PIGN: variants seen among roughly 807,000 people sequenced by gnomAD.
PIGN encodes GPI ethanolamine phosphate transferase 1.
PIGN carries 117 observed loss-of-function variants against 125.4 expected under a neutral mutation model. That is an observed-to-expected ratio of 0.93 (90% CI 0.80 to 1.09). The LOEUF is 1.09. Ranked by LOEUF, PIGN falls within the 50% of genes least tolerant of loss-of-function variation. The probability of loss-of-function intolerance (pLI) is 0.00; values close to 1 mark genes in which losing one functional copy is unlikely to be tolerated. For missense variants in PIGN, 1,075 were observed against 1,094.9 expected, an observed-to-expected ratio of 0.98 and a Z score of 0.26; for synonymous variants, 392 against 377.8, an observed-to-expected ratio of 1.04 and a Z score of -0.44.
At chr18:62,123,763 C>T (rs2035398121) in intron 14 of PIGN, among the ~76,000 whole-genome samples, 1 of 151,968 alleles carries the variant, frequency 6.6e-6, no homozygotes, top group African/African-American at 2.4e-5. Flanking sequence ...AAAATATTAA[C>T]TGAATGTTTG....
At chr18:62,160,632 C>T (rs2036916258) in intron 4 of PIGN, among the ~76,000 whole-genome samples, 1 of 151,950 alleles carries the variant, frequency 6.6e-6, no homozygotes, top group African/African-American at 2.4e-5. Flanking sequence ...CTCAGCCTCC[C>T]AGGTAGCTAG....
chr18:62,175,922 T>TA (rs905511152), intron 1 of PIGN, among the ~76,000 whole-genome samples: 2 of 151,574 alleles, frequency 1.3e-5, no homozygotes, highest in African/African-American at 2.4e-5. Context: ...TGAAAGCTTC[T>TA]AAAATTCCCC....
intron 23 of PIGN, among the ~76,000 whole-genome samples, chr18:62,031,919 C>T (rs1180120801): frequency 6.6e-6 from 1 of 152,082 alleles, no homozygotes; most frequent in African/African-American, 2.4e-5. Flanking sequence ...TATCCAGGTA[C>T]CAGTAGAGTG....
At chr18:62,132,734 A>G (rs2035786103) in intron 14 of PIGN, among the ~76,000 whole-genome samples, 1 of 152,214 alleles carries the variant, frequency 6.6e-6, no homozygotes, top group Non-Finnish European at 1.5e-5. Context: ...TATCTTTTCC[A>G]TATGACTGTT....
intron 7 of PIGN, among the ~76,000 whole-genome samples, chr18:62,148,543 T>G (rs2036419008): frequency 6.6e-6 from 1 of 152,116 alleles, no homozygotes; most frequent in Non-Finnish European, 1.5e-5. Flanking sequence ...GTTTTCTCTG[T>G]TATAATAAGG....
chr18:62,134,132 T>C (rs891545157), intron 14 of PIGN, among the ~76,000 whole-genome samples: 1 of 151,866 alleles, frequency 6.6e-6, no homozygotes, highest in Non-Finnish European at 1.5e-5. Context: ...TGGTGGCTCA[T>C]GCCTGTAATC....
In PIGN at chr18:62,082,859, T is replaced by C. The variant is rs1057486257; in HGVS notation, c.2503-113A>G. The C allele has an allele frequency of 1.4e-5, 9 of 637,496 alleles. No homozygotes were observed. In the South Asian group the frequency reaches 1.8e-4, roughly 13 times the overall value. 39.5% of individuals were successfully genotyped at this position (637,496 alleles called of 1,614,324 possible). A position where few individuals can be genotyped will look rare whatever the true frequency, so the allele number is the denominator to read the frequency against. On this transcript the variant is annotated intron_variant, in intron 27 of 30. Coordinates refer to ENST00000640252, the MANE Select transcript of PIGN (RefSeq NM_176787.5). The stretch of plus-strand genomic sequence containing the variant: ...TTTTCAATTTCTCAAGTAACTTTTA[T>C]ATATACTAGTGAAGAGCAAACACTG...
rs910334410 is a variant in PIGN, at chr18:62,042,881, T to C, written c.*2975A>G. 6.6e-6 allele frequency: 1 copy of C among 150,878 alleles called. No homozygotes were observed. The highest frequency in any genetic ancestry group is 1.5e-5 in the Non-Finnish European group (1 of 67,894). The allele number at this position is 150,878 out of a possible 1,614,324, so 9.3% of individuals were successfully genotyped here. ...GTGAGCTGAGATGGTGCCACTGCAT[T>C]CTAGCCTGAACAAGAGTGAGACCCT... On this transcript the variant is annotated 3_prime_UTR_variant, in exon 31 of 31. Coordinates refer to ENST00000640252, the MANE Select transcript of PIGN (RefSeq NM_176787.5).
At chr18:62,083,855 T>C (rs1378501384) in intron 27 of PIGN, among the ~76,000 whole-genome samples, 1 of 152,212 alleles carries the variant, frequency 6.6e-6, no homozygotes, top group Non-Finnish European at 1.5e-5. Context: ...CCTATTAAGA[T>C]GACACCTTTA....
intron 7 of PIGN, among the ~76,000 whole-genome samples, chr18:62,151,175 A>C (rs2036523437): frequency 6.6e-6 from 1 of 152,192 alleles, no homozygotes; most frequent in African/African-American, 2.4e-5. Flanking sequence ...TAGGTCAAAA[A>C]TGCATGTAAT....
In PIGN at chr18:62,106,870, A is replaced by C; in HGVS notation, c.1686T>G (p.Phe562Leu). ...CAGCGGTAAGCATATAGCGGTAGAA[A>C]AAACTGAGAACCTAGTAATGCATTC... ...TLGIEVLVLS[F>L]FYRYMLTAGL... The change falls in exon 19 of 31, where the codon TTT becomes TTG. Residue 562 changes from phenylalanine to leucine, a missense_variant. By Grantham distance (22) the Phe-to-Leu change is conservative. Transcript: ENST00000640252. The C allele has an allele frequency of 6.2e-7, 1 of 1,607,340 alleles. No homozygotes were observed. The highest frequency in any genetic ancestry group is 8.5e-7 in the Non-Finnish European group (1 of 1,176,704).
chr18:62,157,928 TA>T (rs2036800342), intron 4 of PIGN, 120 bp from the exon 5 acceptor site: 1 of 933,010 alleles, frequency 1.1e-6, no homozygotes, highest in Non-Finnish European at 1.6e-6. Context: ...AGTCAAAACT[TA>T]AGAAGGAAAG....
At chr18:62,140,307 C>A (rs1414362915) in intron 12 of PIGN, 113 bp downstream of exon 12, 10 of 506,354 alleles carry the variant, frequency 2.0e-5, no homozygotes, top group Non-Finnish European at 3.2e-5. Flanking sequence ...CATAGCAAGA[C>A]CCCATCTAAA....
intron 30 of PIGN, among the ~76,000 whole-genome samples, chr18:62,071,495 G>A (rs759320114): frequency 6.6e-6 from 1 of 152,002 alleles, no homozygotes; most frequent in Non-Finnish European, 1.5e-5. Context: ...AATCATATGG[G>A]CACCTTCTAT....
chr18:62,065,471 G>C (rs559458383), intron 30 of PIGN, among the ~76,000 whole-genome samples: 3 of 152,306 alleles, frequency 2.0e-5, no homozygotes, highest in South Asian at 4.1e-4. Flanking sequence ...GGGCGTGGTG[G>C]CTCACGCCTG....
intron 10 of PIGN, among the ~76,000 whole-genome samples, chr18:62,143,943 G>A (rs1395486248): frequency 6.6e-6 from 1 of 152,106 alleles, no homozygotes; most frequent in Non-Finnish European, 1.5e-5. Context: ...GTGATTATGA[G>A]AGACCGTCTT....
intron 1 of PIGN, among the ~76,000 whole-genome samples, chr18:62,170,576 T>A (rs927143276): frequency 2.0e-5 from 3 of 152,190 alleles, no homozygotes; most frequent in African/African-American, 7.2e-5. Flanking sequence ...CTCCCTCTCC[T>A]TGGGCCTTGC....
intron 4 of PIGN, among the ~76,000 whole-genome samples, chr18:62,159,536 G>C (rs1184587227): frequency 6.6e-6 from 1 of 152,160 alleles, no homozygotes; most frequent in East Asian, 1.9e-4. Flanking sequence ...ATTTGTTACA[G>C]ATTTTTGTGT....
intron 23 of PIGN, among the ~76,000 whole-genome samples, chr18:62,020,915 C>T (rs979834539): frequency 1.2e-4 from 18 of 149,080 alleles, no homozygotes; most frequent in African/African-American, 5.0e-5. Flanking sequence ...GAGCCGAGAT[C>T]GCGCCATTGC....
Sources: allele counts gnomAD v4.1 joint callset (sites outside exome capture counted in the v4.1 genomes callset), GRCh38; gene constraint gnomAD v4.1.1; transcripts MANE v1.5; gene names NCBI Gene and HGNC (gene_info 2026-07-23, HGNC 2026-07-21).